DAB1: variants seen among roughly 807,000 people sequenced by gnomAD.
DAB1 encodes DAB adaptor protein 1, also known as disabled homolog 1.
DAB1 carries 15 observed loss-of-function variants against 64.6 expected under a neutral mutation model. The observed-to-expected ratio is 0.23, with a 90% CI of 0.16 to 0.36. The LOEUF (loss-of-function observed/expected upper bound fraction) is 0.36, where lower values mean the gene tolerates loss of function less well. DAB1 is among the 10% of genes least tolerant of loss of function. The pLI is 1.00. For missense variants in DAB1, 596 were observed against 706.7 expected (o/e 0.84, Z 1.78); for synonymous variants, 235 against 251.9 (o/e 0.93, Z 0.64).
intron 1 of DAB1, among the ~76,000 whole-genome samples, chr1:58,527,498 A>C (rs1361357249): frequency 6.6e-6 from 1 of 152,170 alleles, no homozygotes; most frequent in Admixed American, 6.5e-5. Flanking sequence ...ATATAAACAC[A>C]GCCTTTATTT....
chr1:57,182,175 G>A (rs956867915), intron 2 of DAB1, among the ~76,000 whole-genome samples: 8 of 152,108 alleles, frequency 5.3e-5, no homozygotes, highest in Admixed American at 1.3e-4. Flanking sequence ...GTGAGCCACC[G>A]CGTCCAGCTG....
chr1:57,449,459 C>T lies in DAB1; in HGVS notation n.626-158293G>A, dbSNP rs116345088. Reference sequence around the variant, plus strand: ...CAGTGGTGTGATCACAGCTCACATACAGCCTCAAACTCTAGGGCTTAAGAG... The same window carrying T: ...CAGTGGTGTGATCACAGCTCACATATAGCCTCAAACTCTAGGGCTTAAGAG... On this transcript the variant is annotated intron_variant and non_coding_transcript_variant, in intron 7 of 20. Transcript: ENST00000485760. Among the ~76,000 whole-genome samples the T allele has an allele frequency of 4.8e-3, 719 of 150,814 alleles. 2 individuals carry two copies. The highest frequency in any genetic ancestry group is 0.01 in the South Asian group (50 of 4,770).
At chr1:57,941,181 T>C (rs191163048) in intron 5 of DAB1, among the ~76,000 whole-genome samples, 21 of 152,338 alleles carry the variant, frequency 1.4e-4, no homozygotes, top group African/African-American at 4.3e-4. Context: ...GGTTCCCAAG[T>C]TGTGGACTCA....
chr1:57,817,440 ATCC>A (rs1371480067), intron 6 of DAB1, among the ~76,000 whole-genome samples: 1 of 152,224 alleles, frequency 6.6e-6, no homozygotes, highest in Non-Finnish European at 1.5e-5. Context: ...CATCACGAGC[ATCC>A]TCGTCTCTCC....
At chr1:58,000,858 A>C (rs1411977549) in intron 5 of DAB1, among the ~76,000 whole-genome samples, 1 of 151,828 alleles carries the variant, frequency 6.6e-6, no homozygotes, top group Non-Finnish European at 1.5e-5. Flanking sequence ...GGTACGAGCC[A>C]CCACACCCAG....
chr1:58,489,148 G>C (rs904474371), intron 3 of DAB1, among the ~76,000 whole-genome samples: 4 of 152,326 alleles, frequency 2.6e-5, no homozygotes, highest in Admixed American at 2.6e-4. Context: ...GCAAGGCATC[G>C]TGTCACCCGG....
chr1:58,223,259 C>T (rs553967062), intron 4 of DAB1, among the ~76,000 whole-genome samples: 2 of 152,262 alleles, frequency 1.3e-5, no homozygotes, highest in East Asian at 1.9e-4. Flanking sequence ...CAAAAGTGGC[C>T]CACAAACAGG....
intron 2 of DAB1, among the ~76,000 whole-genome samples, chr1:57,224,042 C>A (rs1211210005): frequency 6.6e-6 from 1 of 152,180 alleles, no homozygotes; most frequent in Non-Finnish European, 1.5e-5. Context: ...CCCTGCCTTG[C>A]ACTTAGAACT....
At chr1:58,130,970 C>T (rs1174778437) in intron 5 of DAB1, among the ~76,000 whole-genome samples, 26 of 143,410 alleles carry the variant, frequency 1.8e-4, no homozygotes, top group Admixed American at 9.7e-4. Context: ...ATCTTTGTGG[C>T]GTTCTCTGTA....
At chr1:57,689,214 T>C (rs1646735459) in intron 6 of DAB1, among the ~76,000 whole-genome samples, 1 of 152,084 alleles carries the variant, frequency 6.6e-6, no homozygotes, top group Non-Finnish European at 1.5e-5. Flanking sequence ...GAAGCTGTCT[T>C]GTGAAAGGGG....
In DAB1 at chr1:57,959,178, T is replaced by C. The variant is rs544020774; in HGVS notation, n.388-75016A>G. ...TTATTACTGACCTTGGTTGTATTCCTTAACCTTTCATTGAGCTTCCTCTTC... is the reference window on the plus strand; with the variant it reads ...TTATTACTGACCTTGGTTGTATTCCCTAACCTTTCATTGAGCTTCCTCTTC... On this transcript the variant is annotated intron_variant and non_coding_transcript_variant, in intron 5 of 20. Transcript: ENST00000485760. Among the ~76,000 whole-genome samples the C allele has an allele frequency of 2.0e-5, 3 of 152,334 alleles. No individual in the cohort carries two copies. In the South Asian group the frequency reaches 6.2e-4, roughly 32 times the overall value.
intron 7 of DAB1, among the ~76,000 whole-genome samples, chr1:57,519,445 G>A (rs535210225): frequency 3.3e-5 from 5 of 152,072 alleles, no homozygotes; most frequent in Admixed American, 1.3e-4. Context: ...TCCCTCATCC[G>A]ATTCTCTCAA....
chr1:57,358,621 A>G (rs1243551386), intron 1 of DAB1, among the ~76,000 whole-genome samples: 1 of 152,132 alleles, frequency 6.6e-6, no homozygotes, highest in Non-Finnish European at 1.5e-5. Flanking sequence ...AAATAGAAAA[A>G]AAAAATCTTA....
chr1:58,455,090 C>T (rs1645180537), intron 3 of DAB1, among the ~76,000 whole-genome samples: 1 of 152,244 alleles, frequency 6.6e-6, no homozygotes, highest in Admixed American at 6.5e-5. Flanking sequence ...TGAGTTCTTC[C>T]AGCAGCCGCT....
chr1:57,534,758 G>A (rs2101428304), intron 7 of DAB1, among the ~76,000 whole-genome samples: 1 of 152,256 alleles, frequency 6.6e-6, no homozygotes, highest in South Asian at 2.1e-4. Flanking sequence ...TGTGCTGGTG[G>A]AATCAGCCTT....
At chr1:57,085,129 G>A (rs1413324796) in intron 4 of DAB1, among the ~76,000 whole-genome samples, 1 of 152,188 alleles carries the variant, frequency 6.6e-6, no homozygotes, top group African/African-American at 2.4e-5. Flanking sequence ...GCCTGTTAGA[G>A]ATGAGAAAAC....
chr1:58,533,087 T>C (rs897718081), intron 1 of DAB1, among the ~76,000 whole-genome samples: 1 of 152,216 alleles, frequency 6.6e-6, no homozygotes, highest in African/African-American at 2.4e-5. Flanking sequence ...TTCTCTAATG[T>C]AGACAAAAGA....
At chr1:57,061,948 T>A (rs965566832) in intron 9 of DAB1, among the ~76,000 whole-genome samples, 1 of 152,194 alleles carries the variant, frequency 6.6e-6, no homozygotes, top group Admixed American at 6.5e-5. Context: ...ATTGTTGAGA[T>A]GAATGAGGTC....
chr1:57,413,377 C>T (rs1197480571), intron 1 of DAB1, among the ~76,000 whole-genome samples: 2 of 152,070 alleles, frequency 1.3e-5, no homozygotes, highest in Admixed American at 6.5e-5. Context: ...TTTCATAAGG[C>T]TATAGCTGCC....
Sources: allele counts gnomAD v4.1 joint callset (sites outside exome capture counted in the v4.1 genomes callset), GRCh38; gene constraint gnomAD v4.1.1; transcripts MANE v1.5; gene names NCBI Gene and HGNC (gene_info 2026-07-23, HGNC 2026-07-21).